Variants in SPSB4 observed in about 807,000 individuals in gnomAD.
SPSB4 encodes the protein splA/ryanodine receptor domain and SOCS box containing 4.
A neutral mutation model predicts 20.9 loss-of-function variants in SPSB4; 21 were observed. The ratio of observed to expected loss-of-function variants is 1.01; its 90% confidence interval spans 0.71 to 1.45. The LOEUF (loss-of-function observed/expected upper bound fraction) is 1.45, where lower values mean the gene tolerates loss of function less well. Among genes scored for constraint, SPSB4 ranks in the 40% most tolerant of loss-of-function variants. The pLI is 0.00. For synonymous variants in SPSB4, 207 were observed against 183.8 expected, an observed-to-expected ratio of 1.13 and a Z score of -1.02; for missense variants, 399 against 399.2, an observed-to-expected ratio of 1.00 and a Z score of 0.00.
chr3:141,122,768 C>G (rs1413194221), intron 2 of SPSB4, among the ~76,000 whole-genome samples: 1 of 152,226 alleles, frequency 6.6e-6, no homozygotes, highest in East Asian at 1.9e-4. Flanking sequence ...GAGGGAATTT[C>G]CTGGTCTGCC....
chr3:141,061,443 C>G (rs1937759331), intron 1 of SPSB4, among the ~76,000 whole-genome samples: 1 of 151,834 alleles, frequency 6.6e-6, no homozygotes, highest in Non-Finnish European at 1.5e-5. Context: ...AGCTTTATTT[C>G]TTCAGAATAG....
At chr3:141,083,211 G>A (rs1466294221) in intron 2 of SPSB4, among the ~76,000 whole-genome samples, 1 of 152,234 alleles carries the variant, frequency 6.6e-6, no homozygotes, top group Admixed American at 6.5e-5. Context: ...CTAGAGTGGG[G>A]GTGCCTGGCC....
chr3:141,124,283 G>C (rs1165503820), intron 2 of SPSB4: 1 of 152,290 alleles, frequency 6.6e-6, no homozygotes, highest in Non-Finnish European at 1.5e-5. Flanking sequence ...CAGCAACAGG[G>C]AACAGTTCTA....
Position 141,066,618 on chromosome 3 carries a change from G to A in SPSB4, c.514G>A (p.Ala172Thr). Reference protein sequence around the residue: ...PAFLGPDEAFALPDSLLVVLD... With the variant: ...PAFLGPDEAFTLPDSLLVVLD... ...CTTTCTGGGGCCCGACGAGGCCTTT[G>A]CGCTGCCCGACTCGCTGCTCGTGGT... The change falls in exon 2 of 3, where the codon GCG becomes ACG. Residue 172 changes from alanine (A) to threonine (T), a missense_variant. Physicochemically the swap from Ala to Thr is moderately conservative, Grantham distance 58 (BLOSUM62 0). Coordinates refer to ENST00000310546, the MANE Select transcript of SPSB4 (RefSeq NM_080862.3). The A allele has an allele frequency of 6.2e-7, 1 of 1,604,022 alleles. No homozygotes were observed. The highest frequency in any genetic ancestry group is 8.5e-7 in the Non-Finnish European group (1 of 1,175,310).
chr3:141,126,789 G>A (rs1207363903), intron 2 of SPSB4, among the ~76,000 whole-genome samples: 1 of 152,202 alleles, frequency 6.6e-6, no homozygotes, highest in Admixed American at 6.5e-5. Context: ...TGTGAAAATA[G>A]AGCCCACTCC....
At chr3:141,084,089 C>T (rs1938295495) in intron 2 of SPSB4, among the ~76,000 whole-genome samples, 2 of 152,160 alleles carry the variant, frequency 1.3e-5, no homozygotes, top group African/African-American at 2.4e-5. Flanking sequence ...GGAAGCCCGG[C>T]GTCGCTGGGT....
chr3:141,062,331 TATAAC>T (rs1300564209), intron 1 of SPSB4, among the ~76,000 whole-genome samples: 8 of 151,724 alleles, frequency 5.3e-5, no homozygotes, highest in African/African-American at 1.9e-4. Flanking sequence ...AATATAATAA[TATAAC>T]ATAATATAAT....
chr3:141,090,714 C>T (rs555222129), intron 2 of SPSB4, among the ~76,000 whole-genome samples: 6 of 152,192 alleles, frequency 3.9e-5, no homozygotes, highest in South Asian at 2.1e-4. Flanking sequence ...CTGAGTGAGA[C>T]GGGGAGTCAC....
chr3:141,133,020 T>C (rs1369918342), intron 2 of SPSB4, among the ~76,000 whole-genome samples: 1 of 152,176 alleles, frequency 6.6e-6, no homozygotes, highest in African/African-American at 2.4e-5. Flanking sequence ...GAGTAAGTAT[T>C]TCATTGTGGT....
intron 2 of SPSB4, among the ~76,000 whole-genome samples, chr3:141,081,509 C>T (rs1267316493): frequency 6.6e-6 from 1 of 152,126 alleles, no homozygotes; most frequent in Non-Finnish European, 1.5e-5. Flanking sequence ...CAGATACCAG[C>T]CAATGAGTGT....
chr3:141,076,088 A>G (rs1027417223), intron 2 of SPSB4, among the ~76,000 whole-genome samples: 10 of 145,422 alleles, frequency 6.9e-5, no homozygotes, highest in Non-Finnish European at 1.3e-4. Context: ...AAGATAAAAT[A>G]AAATGCGTAT....
intron 1 of SPSB4, among the ~76,000 whole-genome samples, chr3:141,065,566 C>G (rs1227873066): frequency 6.6e-6 from 1 of 152,228 alleles, no homozygotes; most frequent in Non-Finnish European, 1.5e-5. Context: ...TTTCTAAAAT[C>G]AGACTCCCTA....
At chr3:141,104,035 T>A (rs1325962639) in intron 2 of SPSB4, among the ~76,000 whole-genome samples, 3 of 152,096 alleles carry the variant, frequency 2.0e-5, no homozygotes, top group Non-Finnish European at 4.4e-5. Context: ...CAGTTTCCAA[T>A]AAATGAGGTG....
intron 2 of SPSB4, among the ~76,000 whole-genome samples, chr3:141,133,258 T>C (rs1939164696): frequency 6.6e-6 from 1 of 152,154 alleles, no homozygotes; most frequent in Admixed American, 6.6e-5. Flanking sequence ...CTGTGTTTAC[T>C]CTGCTGATTA....
chr3:141,069,387 G>T (rs1937950191), intron 2 of SPSB4, among the ~76,000 whole-genome samples: 1 of 152,210 alleles, frequency 6.6e-6, no homozygotes, highest in Admixed American at 6.5e-5. Context: ...TTTGGGACTA[G>T]TTTGGCTCTA....
Position 141,138,476 on chromosome 3 carries a change from C to A in SPSB4, c.695-8666C>A, listed in dbSNP as rs1005441189. Among the ~76,000 whole-genome samples, 4 of 152,112 alleles carry A rather than the reference C, an allele frequency of 2.6e-5. No homozygotes were observed. The East Asian group carries it at 7.7e-4, about 29-fold the overall frequency. On this transcript the variant is annotated intron_variant, in intron 2 of 2. Coordinates refer to ENST00000310546, the MANE Select transcript of SPSB4 (RefSeq NM_080862.3). ...TGCTTTCTCTTGTGGGCATTTAGTG[C>A]TATAAGTTTCCCTCTACACACTGCT... is the stretch of plus-strand genomic sequence containing the variant.
chr3:141,099,313 T>C (rs558092122), intron 2 of SPSB4, among the ~76,000 whole-genome samples: 1 of 152,282 alleles, frequency 6.6e-6, no homozygotes, highest in African/African-American at 2.4e-5. Flanking sequence ...GCCTCCCGTG[T>C]AGCTGGGACT....
At chr3:141,134,346 A>G (rs1193744965) in intron 2 of SPSB4, among the ~76,000 whole-genome samples, 1 of 152,042 alleles carries the variant, frequency 6.6e-6, no homozygotes, top group Non-Finnish European at 1.5e-5. Context: ...GACTTCCAGC[A>G]TATACTGTTG....
chr3:141,114,617 G>A (rs1354917136), intron 2 of SPSB4, among the ~76,000 whole-genome samples: 2 of 152,184 alleles, frequency 1.3e-5, no homozygotes, highest in Admixed American at 6.5e-5. Flanking sequence ...CTCTGCAGAG[G>A]GCAGCTGCGC....
Sources: allele counts gnomAD v4.1 joint callset (sites outside exome capture counted in the v4.1 genomes callset), GRCh38; gene constraint gnomAD v4.1.1; transcripts MANE v1.5; gene names NCBI Gene and HGNC (gene_info 2026-07-23, HGNC 2026-07-21).